CTCFL: variants seen among roughly 807,000 people sequenced by gnomAD.
The protein encoded by CTCFL is transcriptional repressor CTCFL.
A neutral mutation model predicts 67.4 loss-of-function variants in CTCFL; 36 were observed. The observed-to-expected ratio is 0.53, with a 90% CI of 0.41 to 0.71. The LOEUF (loss-of-function observed/expected upper bound fraction) is 0.71, where lower values mean the gene tolerates loss of function less well. Among genes scored for constraint, CTCFL ranks in the 30% least tolerant of loss-of-function variants. The pLI, the probability that CTCFL is intolerant of heterozygous loss-of-function variation, is 0.00. For synonymous variants in CTCFL, 324 were observed against 302.3 expected, an observed-to-expected ratio of 1.07 and a Z score of -0.75; for missense variants, 786 against 835.2, an observed-to-expected ratio of 0.94 and a Z score of 0.73.
At chr20:57,499,805 C>T (rs1213067485) in intron 10 of CTCFL, 2 of 206,496 alleles carry the variant, frequency 9.7e-6, no homozygotes, top group Non-Finnish European at 8.6e-6. Flanking sequence ...GAGAATCTAA[C>T]GCTGCCGCTG....
At chr20:57,524,401 A>C (rs1030956195) in intron 1 of CTCFL, 185 bp from the exon 2 acceptor site, 1 of 1,426,434 alleles carries the variant, frequency 7.0e-7, no homozygotes, top group South Asian at 1.5e-5. Context: ...GGTCAAGGCT[A>C]AGCAGGATTT....
rs139680062 is a variant in CTCFL at position 57,502,563 on chromosome 20, C to A, written c.1840+873G>T. Among the ~76,000 whole-genome samples the A allele has an allele frequency of 3.0e-3, 450 of 152,246 alleles. 1 individual carries two copies. The highest frequency in any genetic ancestry group is 0.01 in the African/African-American group (422 of 41,548). On this transcript the variant is annotated intron_variant, in intron 10 of 10. Coordinates refer to ENST00000243914, the MANE Select transcript of CTCFL (RefSeq NM_001386993.1). ...GAGAACGTGGGGTATTTGCTTGTGC[C>A]GTAAAAGTCTGGACAGTTTCCAGTC...
At position 57,515,838 on chromosome 20, in the gene CTCFL, A is replaced by G; in HGVS notation, c.1060-4T>C. 6.2e-7 allele frequency: 1 copy of G among 1,606,002 alleles called. No homozygotes were observed. Among genetic ancestry groups the G allele is most frequent in the South Asian group, 1.1e-5 (1 of 89,450 alleles). On this transcript the variant is annotated splice_region_variant and splice_polypyrimidine_tract_variant and intron_variant, in intron 5 of 10. Transcript: ENST00000243914. ...CATGGCGCTTCAATTTACTTGCCTA[A>G]TAAATACATAAATGATGTTCGTTGC...
intron 1 of CTCFL, 78 bp from the exon 2 acceptor site, chr20:57,524,294 A>G (rs534817765): frequency 6.0e-5 from 91 of 1,526,134 alleles, no homozygotes; most frequent in Non-Finnish European, 7.8e-5. Context: ...GGGTGCTGGA[A>G]CCTAGCAGGC....
At chr20:57,503,693 A>C in intron 9 of CTCFL, 92 bp from the exon 10 acceptor site, 1 of 1,399,008 alleles carries the variant, frequency 7.1e-7, no homozygotes, top group Non-Finnish European at 9.8e-7. Context: ...CATGGAAAGA[A>C]AGAAAAATCC....
chr20:57,517,353 T>C (rs2069005629), intron 5 of CTCFL, among the ~76,000 whole-genome samples: 1 of 150,198 alleles, frequency 6.7e-6, no homozygotes, highest in Admixed American at 6.7e-5. Flanking sequence ...TTCGGCTCAC[T>C]GGAACCTCTG....
rs1000816044 is a variant in CTCFL at position 57,518,767 on chromosome 20, G to A, written c.1050C>T (p.Ala350=). The change falls in exon 5 of 11, where the codon GCC becomes GCT. Residue 350 remains alanine, a synonymous_variant. Coordinates refer to ENST00000243914, the MANE Select transcript of CTCFL (RefSeq NM_001386993.1). ...KPFKCSMCKY[A]SVEASKLKRH... ...CCAAGAATGGCTTTACCTCCACACT[G>A]GCATACTTGCACATGGAACATTTAA... 6.2e-7 allele frequency: 1 copy of A among 1,614,098 alleles called. No individual in the cohort carries two copies. Among genetic ancestry groups the A allele is most frequent in the Non-Finnish European group, 8.5e-7 (1 of 1,180,024 alleles).
chr20:57,499,886 C>G, intron 10 of CTCFL: 3 of 830,090 alleles, frequency 3.6e-6, no homozygotes, highest in Non-Finnish European at 4.3e-6. Context: ...AAGCTTCACT[C>G]CCTCACCCAC....
chr20:57,498,432 GC>G lies in CTCFL; in HGVS notation c.*117del, dbSNP rs541056155. ...TTTAGGAATTAGGGGCAGTGAACAT[GC>G]AACCTGACTCTCTCTCACTTATCCA... On this transcript the variant is annotated 3_prime_UTR_variant, in exon 11 of 11. Transcript: ENST00000243914. The G allele has an allele frequency of 6.8e-5, 100 of 1,463,390 alleles. No individual in the cohort carries two copies. The African/African-American group carries it at 1.3e-3, about 20-fold the overall frequency. 90.7% of individuals were successfully genotyped at this position (1,463,390 alleles called of 1,614,324 possible).
At chr20:57,500,509 T>C (rs2146278180) in intron 10 of CTCFL, 1 of 156,062 alleles carries the variant, frequency 6.4e-6, no homozygotes, top group Non-Finnish European at 1.4e-5. Flanking sequence ...CTGGAGGTGC[T>C]GTGTGCTGGT....
rs141157007 is a variant in CTCFL, at chr20:57,521,166, T to C, written c.755-1789A>G. ...TCCACAACTGTGAGAGGTATGTTTCTGTTGTTTGAAGCCACTCAGTTTGTG... is the reference window on the plus strand; with the variant it reads ...TCCACAACTGTGAGAGGTATGTTTCCGTTGTTTGAAGCCACTCAGTTTGTG... On this transcript the variant is annotated intron_variant, in intron 3 of 10. Coordinates refer to ENST00000243914, the MANE Select transcript of CTCFL (RefSeq NM_001386993.1). Among the ~76,000 whole-genome samples the C allele has an allele frequency of 3.7e-3, 562 of 152,350 alleles. 7 individuals are homozygous for C. Among genetic ancestry groups the C allele is most frequent in the African/African-American group, 0.013 (523 of 41,594 alleles).
intron 8 of CTCFL, among the ~76,000 whole-genome samples, chr20:57,510,022 A>G (rs572988962): frequency 7.2e-5 from 11 of 152,230 alleles, no homozygotes; most frequent in South Asian, 2.1e-4. Flanking sequence ...GTTCATTTGA[A>G]TAAGTATGAG....
intron 3 of CTCFL, among the ~76,000 whole-genome samples, chr20:57,520,102 GC>G (rs1402079551): frequency 4.6e-5 from 7 of 152,182 alleles, no homozygotes; most frequent in Non-Finnish European, 8.8e-5. Context: ...TAAGAAGATG[GC>G]TCCAAAGAGG....
At position 57,498,627 on chromosome 20, in the gene CTCFL, CTCT is replaced by C; in HGVS notation, c.1912_1914del (p.Arg638del). ...TCCTCTTTGACTCTGGCTGTGGTTT[CTCT>C]GCAGGCGACAGGAAACATCTCTCCT... On this transcript the variant is annotated inframe_deletion, in exon 11 of 11. Transcript: ENST00000243914. 7 of 1,614,188 alleles carry C rather than the reference CTCT, an allele frequency of 4.3e-6. No homozygotes were observed. Among genetic ancestry groups the C allele is most frequent in the Non-Finnish European group, 5.9e-6 (7 of 1,180,014 alleles).
In CTCFL at chr20:57,508,596, G is replaced by A. The variant is rs2068355137; in HGVS notation, c.1674+10C>T. ...CCATGGGGGATTTACTGTGACTTAA[G>A]TAAGCTTACCCAGCGGGAAAAGCCT... is the stretch of plus-strand genomic sequence containing the variant. On this transcript the variant is annotated intron_variant, in intron 9 of 10. Transcript: ENST00000243914. 1 of 1,613,198 alleles carries A rather than the reference G, an allele frequency of 6.2e-7. No homozygotes were observed. Among genetic ancestry groups the A allele is most frequent in the South Asian group, 1.1e-5 (1 of 91,030 alleles).
At chr20:57,507,700 C>T (rs1297255800) in intron 9 of CTCFL, 5 of 702,890 alleles carry the variant, frequency 7.1e-6, no homozygotes, top group Non-Finnish European at 1.0e-5. Flanking sequence ...TCGGATGATG[C>T]AGCCCTGGCG....
chr20:57,519,311 C>G lies in CTCFL; in HGVS notation c.821G>C (p.Arg274Pro), dbSNP rs150851397. The G allele has an allele frequency of 1.2e-6, 2 of 1,613,914 alleles. No individual in the cohort carries two copies. Among genetic ancestry groups the G allele is most frequent in the Admixed American group, 1.7e-5 (1 of 60,010 alleles). ...CTCACTGGTGTGAGTTTTCATATGA[C>G]GATTAAAACTTGACATTCTAGAAGA... ...FTSSRMSSFN[R>P]HMKTHTSEKP... The change falls in exon 4 of 11, where the codon CGT becomes CCT. Residue 274 changes from arginine to proline, a missense_variant. By Grantham distance (103) the Arg-to-Pro change is moderately radical. Coordinates refer to ENST00000243914, the MANE Select transcript of CTCFL (RefSeq NM_001386993.1).
chr20:57,519,130 A>G (rs2069148789), intron 4 of CTCFL, 77 bp downstream of exon 4: 4 of 1,436,874 alleles, frequency 2.8e-6, no homozygotes, highest in African/African-American at 1.4e-5. Context: ...TCTACTGTAG[A>G]AACAGGTGGA....
At chr20:57,524,476 G>C in intron 1 of CTCFL, 2 of 1,280,848 alleles carry the variant, frequency 1.6e-6, no homozygotes, top group Non-Finnish European at 2.0e-6. Context: ...CAGGCTTAGG[G>C]CCAGCACACA....
Sources: gnomAD v4.1 joint callset for allele counts (sites outside exome capture counted in the v4.1 genomes callset) on GRCh38, gnomAD v4.1.1 for gene constraint, MANE v1.5 for transcripts, NCBI Gene and HGNC (gene_info 2026-07-23, HGNC 2026-07-21) for gene names.